CGN: variants seen among roughly 807,000 people sequenced by gnomAD.
CGN encodes the protein cingulin.
Under a neutral mutation model 157.1 loss-of-function variants are expected in CGN, and 121 were observed. The ratio of observed to expected loss-of-function variants is 0.77; its 90% CI spans 0.66 to 0.90. The LOEUF (loss-of-function observed/expected upper bound fraction) is 0.90. Ranked by LOEUF, CGN falls within the 40% of genes least tolerant of loss-of-function variation. The pLI is 0.00. For missense variants in CGN, 1,424 were observed against 1,520.9 expected, an observed-to-expected ratio of 0.94 and a Z score of 1.06; for synonymous variants, 535 against 607.5, an observed-to-expected ratio of 0.88 and a Z score of 1.76.
Position 151,529,525 on chromosome 1 carries a change from A to G in CGN, c.2072A>G (p.Gln691Arg), listed in dbSNP as rs749171392. 4.3e-6 allele frequency: 7 copies of G among 1,613,972 alleles called. No individual in the cohort carries two copies. The highest frequency in any genetic ancestry group is 1.7e-4 in the Middle Eastern group (1 of 6,006). ...EQNLQLQKTL[Q>R]QLRQDCEEAS... The stretch of plus-strand genomic sequence containing the variant: ...AACCTCCAGCTACAAAAGACCCTCC[A>G]GCAACTGCGACAGGACTGTGAAGAG... The change falls in exon 11 of 21, where the codon CAG (glutamine) becomes CGG (arginine). Residue 691 changes from glutamine (Q) to arginine (R), a missense_variant. This residue lies in a region of CGN where 1,187 missense variants were observed against 1,217.6 expected (regional missense o/e 0.97). Coordinates refer to ENST00000271636, the MANE Select transcript of CGN (RefSeq NM_020770.3).
chr1:151,521,432 G>A (rs1664540597), intron 5 of CGN, among the ~76,000 whole-genome samples: 1 of 152,204 alleles, frequency 6.6e-6, no homozygotes. Context: ...CTGACCTTGG[G>A]CAAGTTCTTT....
intron 18 of CGN, 93 bp downstream of exon 18, chr1:151,535,991 C>A: frequency 3.0e-6 from 3 of 993,218 alleles, no homozygotes; most frequent in Non-Finnish European, 4.7e-6. Context: ...CATCTTCCAC[C>A]TCAGATATGG....
rs754995870 is a variant in CGN, at chr1:151,519,372, C to T, written c.853C>T (p.Gln285Ter). ...QSFEEPRRSA[Q>*]DPTMLQFKST... ...TTTTGAGGAGCCGCGGAGGAGTGCA[C>T]AGGACCCCACCATGCTGCAGGTCAG... The change falls in exon 2 of 21, where the codon CAG becomes TAG. Residue 285 changes from glutamine (Q) to a stop codon, truncating the protein, a stop_gained. Transcript: ENST00000271636. LOFTEE classifies it high-confidence loss of function. 2.5e-5 allele frequency: 40 copies of T among 1,596,834 alleles called. No individual in the cohort carries two copies. Among genetic ancestry groups the T allele is most frequent in the Non-Finnish European group, 3.3e-5 (39 of 1,177,554 alleles).
At chr1:151,529,199 GT>G (rs1664768653) in intron 10 of CGN, 150 bp from the exon 11 acceptor site, 1 of 635,016 alleles carries the variant, frequency 1.6e-6, no homozygotes, top group South Asian at 2.0e-5. Context: ...GTAAATCTGT[GT>G]TTAACTTTTT....
intron 15 of CGN, 48 bp downstream of exon 15, chr1:151,534,184 G>C (rs1279948203): frequency 1.1e-5 from 17 of 1,517,660 alleles, no homozygotes; most frequent in Non-Finnish European, 1.5e-5. Flanking sequence ...GGACTTCCAA[G>C]CCTCTTTCTG....
upstream of CGN, chr1:151,510,398 A>G (rs1243700525): frequency 6.6e-6 from 1 of 152,222 alleles, no homozygotes; most frequent in Non-Finnish European, 1.5e-5. Context: ...TCTTTTTTAC[A>G]TATCTCAACG....
chr1:151,524,025 C>A lies in CGN; in HGVS notation c.1269-201C>A, dbSNP rs1664609718. Among the ~76,000 whole-genome samples, 1 of 152,084 alleles carries A rather than the reference C, an allele frequency of 6.6e-6. No homozygotes were observed. Among genetic ancestry groups the A allele is most frequent in the Non-Finnish European group, 1.5e-5 (1 of 68,024 alleles). ...ATATTTTGCAAGTAAATTTGTAACA[C>A]ACGAGAAGGCAGTAAATACAACAGG... On this transcript the variant is annotated intron_variant, in intron 6 of 20. Coordinates refer to ENST00000271636, the MANE Select transcript of CGN (RefSeq NM_020770.3). The surrounding 1 kb of genome is among the most constrained non-coding windows in gnomAD (Gnocchi z 4.4).
rs1436500342 is a variant in CGN, at chr1:151,524,607, C to T, written c.1402-67C>T. On this transcript the variant is annotated intron_variant, in intron 7 of 20. Transcript: ENST00000271636. The surrounding 1 kb of genome is among the most constrained non-coding windows in gnomAD (Gnocchi z 4.4). ...CTAATACGATAAATATTTTTTGACT[C>T]AGTGAATTGATAAACAGATGGATTC... 2 of 1,388,030 alleles carry T rather than the reference C, an allele frequency of 1.4e-6. No homozygotes were observed. The highest frequency in any genetic ancestry group is 2.0e-6 in the Non-Finnish European group (2 of 1,009,198). The allele number at this position is 1,388,030 out of a possible 1,614,324, so 86.0% of individuals were successfully genotyped here.
chr1:151,531,465 C>G (rs1463723170), intron 13 of CGN, among the ~76,000 whole-genome samples: 1 of 152,026 alleles, frequency 6.6e-6, no homozygotes, highest in African/African-American at 2.4e-5. Context: ...GAATTGAGAC[C>G]CAGAGAAGAT....
In CGN at chr1:151,532,612, CTTTTTTTTTTTT is replaced by C. The variant is rs34388063; in HGVS notation, c.2742+50_2742+61del. 9.7e-5 allele frequency: 52 copies of C among 537,312 alleles called. No homozygotes were observed. The South Asian group carries it at 1.8e-3, about 19-fold the overall frequency. 33.3% of individuals were successfully genotyped at this position (537,312 alleles called of 1,614,324 possible). A position where few individuals can be genotyped will look rare whatever the true frequency, so the allele number is the denominator to read the frequency against. On this transcript the variant is annotated intron_variant, in intron 14 of 20. Transcript: ENST00000271636. Reference sequence around the variant, plus strand: ...TCCTTGGGTTTGAAGGTCCTTGCCTCTTTTTTTTTTTTTTTTTTTTTGTCCGAGACAGAGTCT... The same window carrying C: ...TCCTTGGGTTTGAAGGTCCTTGCCTCTTTTTTTTTGTCCGAGACAGAGTCT...
chr1:151,534,431 T>G (rs1664912143), intron 15 of CGN: 2 of 382,048 alleles, frequency 5.2e-6, no homozygotes, highest in Middle Eastern at 7.2e-4. Context: ...GTGAACAGTA[T>G]TCTTCAGTTT....
rs538216134 is a variant in CGN, at chr1:151,537,295, G to C, written c.3561G>C (p.Ser1187=). 3 of 1,613,954 alleles carry C rather than the reference G, an allele frequency of 1.9e-6. No homozygotes were observed. The highest frequency in any genetic ancestry group is 2.5e-6 in the Non-Finnish European group (3 of 1,179,938). The change falls in exon 21 of 21, where the codon TCG becomes TCC. Residue 1187 remains serine, a synonymous_variant. Transcript: ENST00000271636. ...DEEFDSVYDP[S]SIASLLTESN... is the part of the protein sequence containing the mutation. The stretch of plus-strand genomic sequence containing the variant: ...AATTCGACAGTGTCTACGATCCCTC[G>C]TCCATTGCATCACTGCTTACGGAGA...
chr1:151,528,937 A>G (rs902140404), intron 10 of CGN, among the ~76,000 whole-genome samples: 1 of 152,140 alleles, frequency 6.6e-6, no homozygotes, highest in Admixed American at 6.6e-5. Context: ...TTCACCTAGC[A>G]TAGTGTTTTC....
chr1:151,518,442 C>G, intron 1 of CGN, 64 bp from the exon 2 acceptor site: 1 of 1,384,580 alleles, frequency 7.2e-7, no homozygotes, highest in Non-Finnish European at 9.9e-7. Context: ...AGTCAGCCCG[C>G]AGGTAGAAGT....
chr1:151,516,597 C>T (rs1664417936), intron 1 of CGN, among the ~76,000 whole-genome samples: 1 of 148,638 alleles, frequency 6.7e-6, no homozygotes, highest in African/African-American at 2.5e-5. Flanking sequence ...GGCTGGAGTG[C>T]AATGGCGTGA....
rs1325924492 is a variant in CGN at position 151,524,725 on chromosome 1, C to T, written c.1453C>T (p.Arg485Ter). 1.4e-5 allele frequency: 23 copies of T among 1,609,074 alleles called. No individual in the cohort carries two copies. The highest frequency in any genetic ancestry group is 4.0e-5 in the African/African-American group (3 of 74,444). Residue 485 changes from arginine to a stop codon, truncating the protein, a stop_gained, in exon 8 of 21, where the codon CGA (arginine) becomes TGA (stop). Transcript: ENST00000271636. LOFTEE classifies it high-confidence loss of function. This position sits in a 1 kb window ranked among gnomAD's most constrained non-coding sequence, Gnocchi z 4.4. ...LLEEVLEGKQRVEEQLRLRER... is the reference protein window; with the variant it reads ...LLEEVLEGKQ ...GGAAGAGGTCTTGGAGGGGAAACAGCGAGTAGAGGAGCAGCTGAGGCTGCG... is the reference window on the plus strand; with the variant it reads ...GGAAGAGGTCTTGGAGGGGAAACAGTGAGTAGAGGAGCAGCTGAGGCTGCG...
In CGN at chr1:151,530,073, A is replaced by G; in HGVS notation, c.2271A>G (p.Glu757=). 6.2e-7 allele frequency: 1 copy of G among 1,613,930 alleles called. No homozygotes were observed. Among genetic ancestry groups the G allele is most frequent in the African/African-American group, 1.3e-5 (1 of 74,978 alleles). ...CTCGAGGTCTGGTGGATGGTGGGGA[A>G]GCGGTGGAGGCACGACTACGGGACA... ...KETRGLVDGG[E]AVEARLRDKL... The change falls in exon 12 of 21, where the codon GAA becomes GAG. Residue 757 remains glutamate, a synonymous_variant. Transcript: ENST00000271636.
In CGN at chr1:151,524,644, C is replaced by T. The variant is rs1434737558; in HGVS notation, c.1402-30C>T. On this transcript the variant is annotated intron_variant, in intron 7 of 20. Coordinates refer to ENST00000271636, the MANE Select transcript of CGN (RefSeq NM_020770.3). This position sits in a 1 kb window ranked among gnomAD's most constrained non-coding sequence, Gnocchi z 4.4. ...AAACAGATGGATTCTAATATGGTCA[C>T]CCCTGTACTTCTTCCTTTATTTTCT... 3 of 1,555,010 alleles carry T rather than the reference C, an allele frequency of 1.9e-6. No individual in the cohort carries two copies. The highest frequency in any genetic ancestry group is 1.9e-5 in the Admixed American group (1 of 53,488).
At chr1:151,528,611 T>C (rs1438232013) in intron 10 of CGN, among the ~76,000 whole-genome samples, 1 of 152,026 alleles carries the variant, frequency 6.6e-6, no homozygotes, top group Non-Finnish European at 1.5e-5. Context: ...GAGACAGGGT[T>C]TCACCATGTT....
Sources: allele counts gnomAD v4.1 joint callset (sites outside exome capture counted in the v4.1 genomes callset), GRCh38; gene constraint gnomAD v4.1.1; regional missense constraint gnomAD v4.1.1; non-coding constraint Gnocchi (gnomAD v3.1); transcripts MANE v1.5; gene names NCBI Gene and HGNC (gene_info 2026-07-23, HGNC 2026-07-21).